Variants in TMEM67 observed in about 807,000 individuals in gnomAD.
TMEM67 encodes the protein transmembrane protein 67, also known as meckelin.
In TMEM67, 124 loss-of-function variants were observed where a neutral mutation model predicts 136.6. The ratio of observed to expected loss-of-function variants is 0.91; its 90% CI spans 0.78 to 1.05. TMEM67 has a LOEUF of 1.05. Among genes scored for constraint, TMEM67 ranks in the 50% least tolerant of loss-of-function variants. The pLI is 0.00. For missense variants in TMEM67, 1,107 were observed against 1,178.4 expected, an observed-to-expected ratio of 0.94 and a Z score of 0.89; for synonymous variants, 364 against 390.5, an observed-to-expected ratio of 0.93 and a Z score of 0.80.
chr8:93,793,985 G>A (rs1245173711), intron 16 of TMEM67, among the ~76,000 whole-genome samples: 2 of 151,888 alleles, frequency 1.3e-5, no homozygotes, highest in East Asian at 1.9e-4. Context: ...TCTGCCTCCC[G>A]GGTTCAAGCA....
intron 6 of TMEM67, among the ~76,000 whole-genome samples, chr8:93,772,093 G>A (rs1382520112): frequency 6.6e-6 from 1 of 152,150 alleles, no homozygotes; most frequent in African/African-American, 2.4e-5. Context: ...ATACTGATTC[G>A]TTTTTGTTTG....
intron 9 of TMEM67, 24 bp downstream of exon 9, chr8:93,781,006 A>T (rs764606753): frequency 1.5e-6 from 2 of 1,333,900 alleles, no homozygotes; most frequent in African/African-American, 2.9e-5. Flanking sequence ...ATATCATTAG[A>T]GGATAACTAC....
At chr8:93,797,284 G>A (rs767233817) in intron 19 of TMEM67, 47 bp from the exon 20 acceptor site, 2 of 1,612,540 alleles carry the variant, frequency 1.2e-6, no homozygotes, top group South Asian at 2.2e-5. Flanking sequence ...TACCCTTGCA[G>A]AGCAAAGGAG....
chr8:93,776,056 A>G (rs1300736796), intron 7 of TMEM67, among the ~76,000 whole-genome samples: 1 of 152,192 alleles, frequency 6.6e-6, no homozygotes, highest in Non-Finnish European at 1.5e-5. Flanking sequence ...TTCTCCTTGA[A>G]GAGGTCCTTC....
At position 93,765,443 on chromosome 8, in the gene TMEM67, A is replaced by C; in HGVS notation, c.544A>C (p.Arg182=). Residue 182 remains arginine, a synonymous_variant, in exon 5 of 28, where the codon AGG becomes CGG. Coordinates refer to ENST00000453321, the MANE Select transcript of TMEM67 (RefSeq NM_153704.6). ...TGAGCCAACATTTGTTAATACCAGC[A>C]GGTCCTGTGCATGTTCAGAACCTAA... ...RCEPTFVNTS[R]SCACSEPNIL... 6.2e-7 allele frequency: 1 copy of C among 1,612,094 alleles called. No homozygotes were observed. Among genetic ancestry groups the C allele is most frequent in the East Asian group, 2.2e-5 (1 of 44,850 alleles).
intron 6 of TMEM67, among the ~76,000 whole-genome samples, chr8:93,770,531 C>T (rs1225664463): frequency 1.3e-5 from 2 of 152,176 alleles, no homozygotes; most frequent in African/African-American, 4.8e-5. Flanking sequence ...GTCCTTTAAT[C>T]TAGAACATAT....
At chr8:93,821,766 G>A (rs1809044901), downstream of TMEM67, among the ~76,000 whole-genome samples, 3 of 152,128 alleles carry the variant, frequency 2.0e-5, no homozygotes, top group Admixed American at 6.6e-5. Context: ...CAGGTATGGT[G>A]GCATGTGCCT....
intron 3 of TMEM67, 55 bp downstream of exon 3, chr8:93,758,631 G>A: frequency 6.9e-7 from 1 of 1,441,932 alleles, no homozygotes; most frequent in Non-Finnish European, 9.8e-7. Context: ...TCTTGTTTTT[G>A]TTTTTATTTG....
At chr8:93,778,876 A>G (rs1289182016) in intron 7 of TMEM67, among the ~76,000 whole-genome samples, 3 of 151,950 alleles carry the variant, frequency 2.0e-5, no homozygotes, top group Non-Finnish European at 4.4e-5. Context: ...TGTTCTCTGT[A>G]TTTCCTGAAT....
intron 17 of TMEM67, 55 bp downstream of exon 17, chr8:93,795,562 T>G (rs1814576069): frequency 7.0e-7 from 1 of 1,430,718 alleles, no homozygotes; most frequent in Non-Finnish European, 9.9e-7. Flanking sequence ...GTTGAAAAGC[T>G]TTCTTTATAA....
chr8:93,758,500 T>TG lies in TMEM67; in HGVS notation c.332dup (p.Trp112LeufsTer8). On this transcript the variant is annotated frameshift_variant, in exon 3 of 28. Coordinates refer to ENST00000453321, the MANE Select transcript of TMEM67 (RefSeq NM_153704.6). LOFTEE classifies it high-confidence loss of function. ...TAATTTAGAAAGGTGTTACAGAAGA[T>TG]GGCTGGAACTGCATTTCTTGCCCTA... is the stretch of plus-strand genomic sequence containing the variant. The TG allele has an allele frequency of 6.2e-7, 1 of 1,613,572 alleles. No individual in the cohort carries two copies. Among genetic ancestry groups the TG allele is most frequent in the East Asian group, 2.2e-5 (1 of 44,854 alleles).
Position 93,797,319 on chromosome 8 carries a change from T to G in TMEM67, c.1961-12T>G. On this transcript the variant is annotated splice_polypyrimidine_tract_variant and intron_variant, in intron 19 of 27. Transcript: ENST00000453321. ...GGTAAAACTCTTTTACTCATTTTAT[T>G]TTCCTGACCAGGTGAGGGTGGTGTA... is the stretch of plus-strand genomic sequence containing the variant. 6.2e-7 allele frequency: 1 copy of G among 1,614,160 alleles called. No individual in the cohort carries two copies. The highest frequency in any genetic ancestry group is 1.1e-5 in the South Asian group (1 of 91,086).
At chr8:93,830,171 C>T in the TMEM67 span, among the ~76,000 whole-genome samples, 1 of 152,168 alleles carries the variant, frequency 6.6e-6, no homozygotes, top group Non-Finnish European at 1.5e-5. Flanking sequence ...TATCCGAGGA[C>T]ATCTCCATAA....
chr8:93,814,135 CTTTTTTT>C (rs55774610), intron 26 of TMEM67, among the ~76,000 whole-genome samples: 47 of 60,794 alleles, frequency 7.7e-4, no homozygotes, highest in African/African-American at 2.5e-3. Flanking sequence ...TATATGTATA[CTTTTTTT>C]TTTTTTTTTT....
the TMEM67 span, among the ~76,000 whole-genome samples, chr8:93,826,645 C>T: frequency 6.6e-6 from 1 of 151,788 alleles, no homozygotes; most frequent in Non-Finnish European, 1.5e-5. Context: ...ACTTTCTAGG[C>T]TTCTGTTTCA....
intron 27 of TMEM67, 35 bp downstream of exon 27, chr8:93,815,482 T>A: frequency 6.4e-7 from 1 of 1,559,586 alleles, no homozygotes; most frequent in Non-Finnish European, 8.8e-7. Context: ...TTTTCCTTCA[T>A]TTTCTTGAGA....
intron 3 of TMEM67, among the ~76,000 whole-genome samples, chr8:93,761,475 T>C (rs1241121939): frequency 6.6e-6 from 1 of 152,220 alleles, no homozygotes; most frequent in Non-Finnish European, 1.5e-5. Context: ...AGCTCTCATC[T>C]AGAAATTTCT....
intron 6 of TMEM67, among the ~76,000 whole-genome samples, chr8:93,771,439 T>C (rs1813327389): frequency 6.6e-6 from 1 of 152,192 alleles, no homozygotes; most frequent in South Asian, 2.1e-4. Context: ...TTGGTTTCTC[T>C]ATACCATGTT....
At chr8:93,782,530 A>G (rs887193592) in intron 11 of TMEM67, 70 bp downstream of exon 11, 38 of 1,188,700 alleles carry the variant, frequency 3.2e-5, no homozygotes, top group Non-Finnish European at 4.2e-5. Flanking sequence ...AGTAATTGGA[A>G]TAATACTTAA....
Sources: allele counts gnomAD v4.1 joint callset (sites outside exome capture counted in the v4.1 genomes callset), GRCh38; gene constraint gnomAD v4.1.1; transcripts MANE v1.5; gene names NCBI Gene and HGNC (gene_info 2026-07-23, HGNC 2026-07-21).